Variants in UBE2U observed in about 807,000 individuals in gnomAD.
UBE2U encodes ubiquitin-conjugating enzyme E2 U.
A neutral mutation model predicts 41.2 loss-of-function variants in UBE2U; 39 were observed. That is an observed-to-expected ratio of 0.95 (90% confidence interval 0.73 to 1.24). The LOEUF (loss-of-function observed/expected upper bound fraction) is 1.24, where lower values mean the gene tolerates loss of function less well. UBE2U is among the 50% of genes most tolerant of loss of function. UBE2U has a pLI of 0.00. For missense variants in UBE2U, 336 were observed against 363.1 expected (o/e 0.93, Z 0.61); for synonymous variants, 107 against 117.8 (o/e 0.91, Z 0.60).
intron 8 of UBE2U, among the ~76,000 whole-genome samples, chr1:64,248,651 T>C (rs1178308594): frequency 6.6e-6 from 1 of 152,090 alleles, no homozygotes; most frequent in Non-Finnish European, 1.5e-5. Context: ...AAAATTTTTG[T>C]TTTTATAGTT....
chr1:64,250,080 C>T (rs952264138), intron 8 of UBE2U, among the ~76,000 whole-genome samples: 2 of 152,158 alleles, frequency 1.3e-5, no homozygotes, highest in African/African-American at 4.8e-5. Context: ...CCAAAAACTT[C>T]ATGTCAGAAG....
chr1:64,247,979 G>A (rs1644949048), intron 8 of UBE2U, among the ~76,000 whole-genome samples: 1 of 151,924 alleles, frequency 6.6e-6, no homozygotes. Context: ...AGTGGAAACA[G>A]CTTTCACCAG....
chr1:64,223,718 T>A (rs1473310729), intron 6 of UBE2U, among the ~76,000 whole-genome samples: 8 of 152,172 alleles, frequency 5.3e-5, no homozygotes, highest in African/African-American at 1.4e-4. Flanking sequence ...AGAAACATCT[T>A]ACTCAGGCTT....
intron 8 of UBE2U, among the ~76,000 whole-genome samples, chr1:64,248,313 A>G (rs1335019494): frequency 6.6e-6 from 1 of 152,106 alleles, no homozygotes; most frequent in African/African-American, 2.4e-5. Flanking sequence ...AGCAGGGTTG[A>G]GGCGGGAAGG....
In UBE2U at chr1:64,240,145, A is replaced by G. The variant is rs1032647410; in HGVS notation, c.596-1507A>G. Among the ~76,000 whole-genome samples, 4 of 152,310 alleles carry G rather than the reference A, an allele frequency of 2.6e-5. 1 individual carries two copies. The South Asian group carries it at 6.2e-4, about 24-fold the overall frequency. Reference sequence around the variant, plus strand: ...GGTGATGTAATATGAGTTCCAGAAAATACTAATGCAGGTCTGAGCTGAATT... The same window carrying G: ...GGTGATGTAATATGAGTTCCAGAAAGTACTAATGCAGGTCTGAGCTGAATT... On this transcript the variant is annotated intron_variant, in intron 7 of 9. Coordinates refer to ENST00000371077, the MANE Select transcript of UBE2U (RefSeq NM_001366232.2).
In UBE2U at chr1:64,214,808, C is replaced by T. The variant is rs373851411; in HGVS notation, c.340-7C>T. The T allele has an allele frequency of 2.5e-6, 4 of 1,610,802 alleles. No homozygotes were observed. In the African/African-American group the frequency reaches 5.3e-5, roughly 22 times the overall value. ...TGAAATTATATGTTGTCTGTGTTTT[C>T]CTATAGGTTATGCTTTCTAATCCAG... On this transcript the variant is annotated splice_polypyrimidine_tract_variant and splice_region_variant and intron_variant, in intron 4 of 9. Transcript: ENST00000371077.
At chr1:64,239,186 A>AGAAGAAGAAGAAGAG (rs1644786071) in intron 7 of UBE2U, among the ~76,000 whole-genome samples, 2 of 146,988 alleles carry the variant, frequency 1.4e-5, no homozygotes, top group Non-Finnish European at 3.0e-5. Flanking sequence ...AAGAAGAAGA[A>AGAAGAAGAAGAAGAG]GAAGAAAGCC....
chr1:64,233,130 C>T (rs1017614001), intron 7 of UBE2U, among the ~76,000 whole-genome samples: 1 of 151,996 alleles, frequency 6.6e-6, no homozygotes, highest in African/African-American at 2.4e-5. Flanking sequence ...GCCTCAGCCT[C>T]TCGAGTAGCT....
chr1:64,244,110 G>C (rs762666596), intron 8 of UBE2U: 1 of 1,571,398 alleles, frequency 6.4e-7, no homozygotes, highest in East Asian at 2.2e-5. Flanking sequence ...ACTTTACTGT[G>C]GCCCTCATTC....
chr1:64,225,423 C>T (rs538821008), intron 6 of UBE2U, among the ~76,000 whole-genome samples: 73 of 152,150 alleles, frequency 4.8e-4, no homozygotes, highest in Non-Finnish European at 9.3e-4. Flanking sequence ...CTTTATAAAC[C>T]GTGTAAGGAA....
chr1:64,239,092 G>GGAAGAAAGAAGAAGAAGAAGAAGAAGAA (rs1644738118), intron 7 of UBE2U, among the ~76,000 whole-genome samples: 1 of 42,750 alleles, frequency 2.3e-5, no homozygotes. Context: ...AAGAGGAAGA[G>GGAAGAAAGAAGAAGAAGAAGAAGAAGAA]GAAGAAGAAG....
At chr1:64,240,718 T>C (rs868127763) in intron 7 of UBE2U, among the ~76,000 whole-genome samples, 7 of 152,220 alleles carry the variant, frequency 4.6e-5, no homozygotes, top group South Asian at 2.1e-4. Flanking sequence ...ATTTTAATAC[T>C]TTCTTCATTA....
chr1:64,249,284 A>C (rs1011920438), intron 8 of UBE2U, among the ~76,000 whole-genome samples: 2 of 150,884 alleles, frequency 1.3e-5, no homozygotes, highest in African/African-American at 4.9e-5. Flanking sequence ...AGGCTGAAGC[A>C]GGAGAATCGC....
At chr1:64,204,266 ATG>A in intron 1 of UBE2U, 150 bp downstream of exon 1, 1 of 614,854 alleles carries the variant, frequency 1.6e-6, no homozygotes, top group Non-Finnish European at 2.8e-6. Flanking sequence ...CACTGAAGTA[ATG>A]TGTTTCATAT....
intron 8 of UBE2U, among the ~76,000 whole-genome samples, chr1:64,260,023 A>T (rs114020981): frequency 0.013 from 2,015 of 151,922 alleles, 36 homozygotes; most frequent in South Asian, 0.038. Context: ...TCCTTATAAG[A>T]GAGCAGAACT....
At chr1:64,238,136 G>A (rs1188843818) in intron 7 of UBE2U, among the ~76,000 whole-genome samples, 1 of 152,128 alleles carries the variant, frequency 6.6e-6, no homozygotes, top group Admixed American at 6.5e-5. Context: ...GGACACAGCG[G>A]GCTTACACTT....
chr1:64,242,289 T>A (rs1207654736), intron 8 of UBE2U, among the ~76,000 whole-genome samples: 1 of 152,202 alleles, frequency 6.6e-6, no homozygotes, highest in African/African-American at 2.4e-5. Context: ...TTTGGTCTTT[T>A]GACCCCTGAA....
At chr1:64,259,284 C>T (rs1417705713) in intron 8 of UBE2U, among the ~76,000 whole-genome samples, 2 of 152,054 alleles carry the variant, frequency 1.3e-5, no homozygotes, top group Non-Finnish European at 2.9e-5. Context: ...CCTGTTCACT[C>T]TGATGGTAGT....
rs757344109 is a variant in UBE2U, at chr1:64,267,173, A to G, written c.919A>G (p.Thr307Ala). 19 of 1,540,760 alleles carry G rather than the reference A, an allele frequency of 1.2e-5. No individual in the cohort carries two copies. Among genetic ancestry groups the G allele is most frequent in the Non-Finnish European group, 1.6e-5 (18 of 1,144,680 alleles). ...EEEVEDLISW[T>A]NTLNTNTSED ...GGAAGTGGAAGATCTGATCTCCTGG[A>G]CCAATACTCTCAATACAAATACTTC... is the stretch of plus-strand genomic sequence containing the variant. Residue 307 changes from threonine (T) to alanine (A), a missense_variant, in exon 10 of 10, where the codon ACC becomes GCC. Thr to Ala is a moderately conservative substitution (Grantham distance 58, BLOSUM62 0). Coordinates refer to ENST00000371077, the MANE Select transcript of UBE2U (RefSeq NM_001366232.2).
Sources: allele counts gnomAD v4.1 joint callset (sites outside exome capture counted in the v4.1 genomes callset), GRCh38; gene constraint gnomAD v4.1.1; transcripts MANE v1.5; gene names NCBI Gene and HGNC (gene_info 2026-07-23, HGNC 2026-07-21).